The following MAN2B1 variants were observed in gnomAD, a reference collection of about 807,000 sequenced individuals.
MAN2B1 encodes lysosomal alpha-mannosidase.
A neutral mutation model predicts 127.5 loss-of-function variants in MAN2B1; 99 were observed. The ratio of observed to expected loss-of-function variants is 0.78; its 90% confidence interval spans 0.66 to 0.92. The LOEUF (loss-of-function observed/expected upper bound fraction) is 0.92, where lower values mean the gene tolerates loss of function less well. Among genes scored for constraint, MAN2B1 ranks in the 40% least tolerant of loss-of-function variants. The pLI is 0.00. For synonymous variants in MAN2B1, 573 were observed against 568.8 expected (o/e 1.01, Z -0.11); for missense variants, 1,304 against 1,384.8 (o/e 0.94, Z 0.93).
At position 12,663,348 on chromosome 19, in the gene MAN2B1, A is replaced by T; in HGVS notation, c.878T>A (p.Val293Asp). The change falls in exon 6 of 24, where the codon GTC becomes GAC. Residue 293 changes from valine to aspartate, a missense_variant. Transcript: ENST00000456935. ...RSPEYNAKEL[V>D]DYFLNVATAQ... Reference sequence around the variant, plus strand: ...AGTGGCCACATTTAGGAAGTAATCGACCAGCTCCTTGGCGTTGTACTCGGG... The same window carrying T: ...AGTGGCCACATTTAGGAAGTAATCGTCCAGCTCCTTGGCGTTGTACTCGGG... 6.2e-7 allele frequency: 1 copy of T among 1,614,200 alleles called. No homozygotes were observed. Among genetic ancestry groups the T allele is most frequent in the East Asian group, 2.2e-5 (1 of 44,892 alleles).
At chr19:12,653,152 T>G (rs1284414805) in intron 14 of MAN2B1, among the ~76,000 whole-genome samples, 3 of 148,060 alleles carry the variant, frequency 2.0e-5, no homozygotes, top group East Asian at 2.0e-4. Context: ...TTGTTTTTTT[T>G]TTTTTTTTGA....
intron 14 of MAN2B1, 35 bp downstream of exon 14, chr19:12,655,659 C>A (rs765862201): frequency 1.3e-6 from 2 of 1,593,548 alleles, no homozygotes; most frequent in South Asian, 2.3e-5. Flanking sequence ...AAATTTGTCA[C>A]AGGAGCAGGA....
chr19:12,650,400 C>T (rs1442792752), intron 16 of MAN2B1, among the ~76,000 whole-genome samples, 178 bp from the exon 17 acceptor site: 6 of 151,334 alleles, frequency 4.0e-5, no homozygotes, highest in South Asian at 4.2e-4. Context: ...GCTCTTTTGC[C>T]CAGGCGGGAG....
chr19:12,657,548 C>T lies in MAN2B1; in HGVS notation c.1317G>A (p.Ala439=). ...CGTCGTGATGCTGGAGCACAGCCATCGCCTCATCTGCTCATAGACAATGAG... is the reference window on the plus strand; with the variant it reads ...CGTCGTGATGCTGGAGCACAGCCATTGCCTCATCTGCTCATAGACAATGAG... The part of the protein sequence containing the change: ...GSGDSAPLNE[A]MAVLQHHDAV... The change falls in exon 11 of 24, where the codon GCG becomes GCA. Residue 439 remains alanine (A), a synonymous_variant. Coordinates refer to ENST00000456935, the MANE Select transcript of MAN2B1 (RefSeq NM_000528.4). The T allele has an allele frequency of 6.4e-7, 1 of 1,561,802 alleles. No homozygotes were observed.
chr19:12,660,967 C>G, intron 7 of MAN2B1: 1 of 365,648 alleles, frequency 2.7e-6, no homozygotes, highest in South Asian at 2.1e-5. Context: ...CCATGTTGGT[C>G]AGGCTGGTCT....
At chr19:12,658,766 TTTA>T in intron 7 of MAN2B1, 1 of 522,250 alleles carries the variant, frequency 1.9e-6, no homozygotes, top group Non-Finnish European at 3.5e-6. Flanking sequence ...TAATTCCAAC[TTTA>T]TTATTAAAAA....
rs1325236365 is a variant in MAN2B1, at chr19:12,657,941, C to A, written c.1309+122G>T. 5 of 873,588 alleles carry A rather than the reference C, an allele frequency of 5.7e-6. No individual in the cohort carries two copies. The Admixed American group carries it at 1.6e-4, about 27-fold the overall frequency. 54.1% of individuals were successfully genotyped at this position (873,588 alleles called of 1,614,324 possible). A position where few individuals can be genotyped will look rare whatever the true frequency, so the allele number is the denominator to read the frequency against. ...CTGCACTCCAGCCTGGGAGACAAAT[C>A]GAGACTCCGTCTCAAAAAAAAAAAA... On this transcript the variant is annotated intron_variant, in intron 10 of 23. Coordinates refer to ENST00000456935, the MANE Select transcript of MAN2B1 (RefSeq NM_000528.4).
intron 16 of MAN2B1, among the ~76,000 whole-genome samples, chr19:12,650,882 G>A (rs1281562161): frequency 6.7e-6 from 1 of 149,560 alleles, no homozygotes; most frequent in Non-Finnish European, 1.5e-5. Flanking sequence ...ATGTTGGCCA[G>A]ACTTGTCTTG....
At position 12,663,844 on chromosome 19, in the gene MAN2B1, G is replaced by A. The variant is rs756874617; in HGVS notation, c.631-9C>T. Reference sequence around the variant, plus strand: ...AAGCCGTCGAAGCCCATCTGGGGATGAGGGAGGAAAAGGCAGTGTGAATTA... The same window carrying A: ...AAGCCGTCGAAGCCCATCTGGGGATAAGGGAGGAAAAGGCAGTGTGAATTA... On this transcript the variant is annotated splice_polypyrimidine_tract_variant and intron_variant, in intron 4 of 23. Transcript: ENST00000456935. 33 of 1,614,006 alleles carry A rather than the reference G, an allele frequency of 2.0e-5. No individual in the cohort carries two copies. Among genetic ancestry groups the A allele is most frequent in the African/African-American group, 2.7e-5 (2 of 74,944 alleles).
chr19:12,661,306 A>G lies in MAN2B1; in HGVS notation c.980T>C (p.Met327Thr). 1 of 1,614,068 alleles carries G rather than the reference A, an allele frequency of 6.2e-7. No individual in the cohort carries two copies. The highest frequency in any genetic ancestry group is 1.1e-5 in the South Asian group (1 of 91,082). The change falls in exon 7 of 24, where the codon ATG becomes ACG. Residue 327 changes from methionine (M) to threonine (T), a missense_variant. Transcript: ENST00000456935. ...GSDFQYENAN[M>T]WFKNLDKLIR... Reference sequence around the variant, plus strand: ...GAGCTTGTCAAGGTTCTTGAACCACATGTTGGCATTCTCATATTGGAAGTC... The same window carrying G: ...GAGCTTGTCAAGGTTCTTGAACCACGTGTTGGCATTCTCATATTGGAAGTC...
intron 14 of MAN2B1, among the ~76,000 whole-genome samples, chr19:12,653,858 A>G (rs1457772286): frequency 6.6e-6 from 1 of 151,824 alleles, no homozygotes; most frequent in Non-Finnish European, 1.5e-5. Context: ...AGCTAGGACT[A>G]CAAGTGTGTA....
intron 18 of MAN2B1, among the ~76,000 whole-genome samples, 153 bp downstream of exon 18, chr19:12,649,760 G>A (rs1376651783): frequency 2.6e-5 from 4 of 151,782 alleles, no homozygotes; most frequent in Non-Finnish European, 5.9e-5. Context: ...GGGATTACAG[G>A]CGTGAGCCAC....
At chr19:12,661,947 C>T (rs539119004) in intron 6 of MAN2B1, among the ~76,000 whole-genome samples, 2 of 152,006 alleles carry the variant, frequency 1.3e-5, no homozygotes, top group African/African-American at 4.8e-5. Context: ...CAGGTTCAAG[C>T]GACTCTCTTG....
chr19:12,648,394 T>TCGGTGC lies in MAN2B1; in HGVS notation c.2439_2444dup (p.His814_Arg815dup). Reference sequence around the variant, plus strand: ...CGCGTCCATCGTCCTTCAGCAGCCTTCGGTGCACCTGGGGGGAGAGTGGCC... The same window carrying TCGGTGC: ...CGCGTCCATCGTCCTTCAGCAGCCTTCGGTGCCGGTGCACCTGGGGGGAGAGTGGCC... On this transcript the variant is annotated inframe_insertion, in exon 21 of 24. Transcript: ENST00000456935. The TCGGTGC allele has an allele frequency of 5.6e-6, 9 of 1,611,842 alleles. No individual in the cohort carries two copies. Among genetic ancestry groups the TCGGTGC allele is most frequent in the Non-Finnish European group, 6.8e-6 (8 of 1,178,644 alleles).
At position 12,652,379 on chromosome 19, in the gene MAN2B1, G is replaced by C. The variant is rs749533406; in HGVS notation, c.1912C>G (p.Arg638Gly). Residue 638 changes from arginine to glycine, a missense_variant, in exon 15 of 24, where the codon CGC becomes GGC. Coordinates refer to ENST00000456935, the MANE Select transcript of MAN2B1 (RefSeq NM_000528.4). ...TTCCCTTACCAGAAGAAGGTCTGGCGAACAGGCAGCAGGAGTTGCTGATTC... is the reference window on the plus strand; with the variant it reads ...TTCCCTTACCAGAAGAAGGTCTGGCCAACAGGCAGCAGGAGTTGCTGATTC... Reference protein sequence around the residue: ...NMNQQLLLPVRQTFFWYNASI... With the variant: ...NMNQQLLLPVGQTFFWYNASI... The C allele has an allele frequency of 1.2e-6, 2 of 1,613,890 alleles. No homozygotes were observed. Among genetic ancestry groups the C allele is most frequent in the African/African-American group, 1.3e-5 (1 of 74,862 alleles).
At chr19:12,656,804 G>T in intron 12 of MAN2B1, 117 bp from the exon 13 acceptor site, 1 of 1,046,652 alleles carries the variant, frequency 9.6e-7, no homozygotes. Context: ...TTAAGGCCAA[G>T]CCCCCTCGAG....
At chr19:12,662,163 GAAA>G (rs1309715814) in intron 6 of MAN2B1, among the ~76,000 whole-genome samples, 1 of 151,256 alleles carries the variant, frequency 6.6e-6, no homozygotes, top group African/African-American at 2.4e-5. Flanking sequence ...TTAAAGAAAG[GAAA>G]AAAAAATTTT....
chr19:12,650,441 C>T lies in MAN2B1; in HGVS notation c.2047-219G>A, dbSNP rs1233423166. Among the ~76,000 whole-genome samples the T allele has an allele frequency of 2.7e-5, 4 of 150,602 alleles. No individual in the cohort carries two copies. In the East Asian group the frequency reaches 7.8e-4, roughly 29 times the overall value. On this transcript the variant is annotated intron_variant, in intron 16 of 23. Coordinates refer to ENST00000456935, the MANE Select transcript of MAN2B1 (RefSeq NM_000528.4). ...TGGCGCGATCTCGGCTCACTGCAAG[C>T]TCCGCCTCCCGGGTTCACACCATTC...
chr19:12,655,613 C>A, intron 14 of MAN2B1, 81 bp downstream of exon 14: 4 of 1,432,520 alleles, frequency 2.8e-6, no homozygotes, highest in Non-Finnish European at 3.8e-6. Flanking sequence ...TAGGGACCTG[C>A]TGACCCAGAG....
Sources: gnomAD v4.1 joint callset for allele counts (sites outside exome capture counted in the v4.1 genomes callset) on GRCh38, gnomAD v4.1.1 for gene constraint, MANE v1.5 for transcripts, NCBI Gene and HGNC (gene_info 2026-07-23, HGNC 2026-07-21) for gene names.